The following SRPRA variants were observed in gnomAD, a reference collection of about 807,000 sequenced individuals.
SRPRA encodes signal recognition particle receptor subunit alpha.
SRPRA carries 30 observed loss-of-function variants against 61.1 expected under a neutral mutation model. The observed-to-expected ratio is 0.49, with a 90% CI of 0.37 to 0.67. The LOEUF (loss-of-function observed/expected upper bound fraction) is 0.67, where lower values mean the gene tolerates loss of function less well. SRPRA is among the 30% of genes least tolerant of loss of function. The pLI is 0.00. For synonymous variants in SRPRA, 324 were observed against 299.7 expected, an observed-to-expected ratio of 1.08 and a Z score of -0.84; for missense variants, 759 against 828.4, an observed-to-expected ratio of 0.92 and a Z score of 1.03.
the SRPRA span, among the ~76,000 whole-genome samples, chr11:126,236,442 A>C: frequency 7.9e-5 from 12 of 152,082 alleles, no homozygotes; most frequent in African/African-American, 2.4e-4. Context: ...TTTGTATTGT[A>C]TGACCTCTTT....
In SRPRA at chr11:126,267,471, T is replaced by G. The variant is rs1282422523; in HGVS notation, c.365+78A>C. The G allele has an allele frequency of 1.1e-5, 17 of 1,595,840 alleles. No individual in the cohort carries two copies. Among genetic ancestry groups the G allele is most frequent in the Non-Finnish European group, 1.4e-5 (16 of 1,169,380 alleles). ...TAGGAATGTCTTTGAACACATCAAT[T>G]TACCACCTTTGAACCACCTTCAGAG... On this transcript the variant is annotated intron_variant, in intron 3 of 13. Transcript: ENST00000332118. The surrounding 1 kb of genome is among the most constrained non-coding windows in gnomAD (Gnocchi z 4.2).
Position 126,267,354 on chromosome 11 carries a change from G to T in SRPRA, c.366-19C>A. The T allele has an allele frequency of 6.2e-7, 1 of 1,612,386 alleles. No homozygotes were observed. The highest frequency in any genetic ancestry group is 8.5e-7 in the Non-Finnish European group (1 of 1,179,464). ...TGCTTCACTAAACAAAAAGGAGAAT[G>T]GTTTATCTTTCTACCCCATGCAGAA... is the stretch of plus-strand genomic sequence containing the variant. On this transcript the variant is annotated intron_variant, in intron 3 of 13. Coordinates refer to ENST00000332118, the MANE Select transcript of SRPRA (RefSeq NM_003139.4). The surrounding 1 kb of genome is among the most constrained non-coding windows in gnomAD (Gnocchi z 4.2).
chr11:126,266,444 T>G (rs1271811983), intron 6 of SRPRA, 32 bp downstream of exon 6: 24 of 1,606,452 alleles, frequency 1.5e-5, no homozygotes, highest in Non-Finnish European at 1.6e-5. Flanking sequence ...AATTTGTTGT[T>G]AAAGATCACT....
the SRPRA span, among the ~76,000 whole-genome samples, chr11:126,241,788 G>GATC: frequency 1.3e-5 from 2 of 152,100 alleles, no homozygotes; most frequent in Non-Finnish European, 2.9e-5. Context: ...GACCTCAAGT[G>GATC]ATCTGCCCAC....
At chr11:126,252,987 A>G in the SRPRA span, among the ~76,000 whole-genome samples, 1 of 152,202 alleles carries the variant, frequency 6.6e-6, no homozygotes, top group Admixed American at 6.5e-5. The surrounding 1 kb of genome is among the most constrained non-coding windows in gnomAD (Gnocchi z 4.7). Context: ...GTGAGCCAAG[A>G]TTGCGCCACT....
the SRPRA span, among the ~76,000 whole-genome samples, chr11:126,245,983 C>T: frequency 2.0e-4 from 29 of 142,790 alleles, no homozygotes; most frequent in African/African-American, 7.1e-4. Context: ...GCAACAGGTA[C>T]GAGACTCCGT....
chr11:126,263,728 G>T lies in SRPRA; in HGVS notation c.*188C>A. On this transcript the variant is annotated 3_prime_UTR_variant, in exon 14 of 14. Coordinates refer to ENST00000332118, the MANE Select transcript of SRPRA (RefSeq NM_003139.4). The stretch of plus-strand genomic sequence containing the variant: ...GGTCAGTGGGCAGTGATTGTAACAT[G>T]ATTAGGCCTTCCTTGCAGATGGCGG... The T allele has an allele frequency of 1.2e-6, 1 of 803,068 alleles. No individual in the cohort carries two copies. Among genetic ancestry groups the T allele is most frequent in the South Asian group, 1.7e-5 (1 of 57,758 alleles). The allele number at this position is 803,068 out of a possible 1,614,324, so 49.7% of individuals were successfully genotyped here.
chr11:126,250,549 A>G, the SRPRA span: 2 of 1,614,014 alleles, frequency 1.2e-6, no homozygotes, highest in African/African-American at 2.7e-5. This position sits in a 1 kb window ranked among gnomAD's most constrained non-coding sequence, Gnocchi z 5.1. Context: ...GACTGTTTAT[A>G]TGAAGTATTT....
Position 126,267,511 on chromosome 11 carries a change from T to C in SRPRA, c.365+38A>G. The stretch of plus-strand genomic sequence containing the variant: ...CACCTTCAGAGAGGTCATCAAATCA[T>C]GGAAATAAATTGATTTTAGAGAAGG... On this transcript the variant is annotated intron_variant, in intron 3 of 13. Coordinates refer to ENST00000332118, the MANE Select transcript of SRPRA (RefSeq NM_003139.4). The surrounding 1 kb of genome is among the most constrained non-coding windows in gnomAD (Gnocchi z 4.2). 1 of 1,611,868 alleles carries C rather than the reference T, an allele frequency of 6.2e-7. No homozygotes were observed. The highest frequency in any genetic ancestry group is 8.5e-7 in the Non-Finnish European group (1 of 1,178,744).
the SRPRA span, among the ~76,000 whole-genome samples, chr11:126,244,130 A>G: frequency 0.12 from 17,599 of 152,210 alleles, 1,051 homozygotes; most frequent in South Asian, 0.14. The surrounding 1 kb of genome is among the most constrained non-coding windows in gnomAD (Gnocchi z 4.5). Context: ...AAAAACTCAC[A>G]GTTAACATAT....
At chr11:126,236,917 C>CTT in the SRPRA span, among the ~76,000 whole-genome samples, 19 of 68,384 alleles carry the variant, frequency 2.8e-4, no homozygotes, top group African/African-American at 3.8e-4. Context: ...TTCACAGATG[C>CTT]TTTTTTTTTT....
chr11:126,261,269 C>T (rs1397371153), downstream of SRPRA: 6 of 618,834 alleles, frequency 9.7e-6, no homozygotes, highest in African/African-American at 1.8e-5. Context: ...CCAGTTTATC[C>T]TCTCTGCCTC....
Position 126,267,386 on chromosome 11 carries a change from A to T in SRPRA, c.366-51T>A, listed in dbSNP as rs368790436. 7.5e-6 allele frequency: 12 copies of T among 1,603,912 alleles called. No individual in the cohort carries two copies. Among genetic ancestry groups the T allele is most frequent in the Non-Finnish European group, 1.0e-5 (12 of 1,175,602 alleles). On this transcript the variant is annotated intron_variant, in intron 3 of 13. Coordinates refer to ENST00000332118, the MANE Select transcript of SRPRA (RefSeq NM_003139.4). The surrounding 1 kb of genome is among the most constrained non-coding windows in gnomAD (Gnocchi z 4.2). ...CTTTCTACCCCATGCAGAAGGAAAA[A>T]TAACGGTCCAGAGAAAGGACTCTCA... is the stretch of plus-strand genomic sequence containing the variant.
At chr11:126,256,713 A>G in the SRPRA span, 10 of 1,613,994 alleles carry the variant, frequency 6.2e-6, no homozygotes, top group South Asian at 9.9e-5. The surrounding 1 kb of genome is among the most constrained non-coding windows in gnomAD (Gnocchi z 6.6). Flanking sequence ...TTCGGAGAGG[A>G]GACGTAGATG....
chr11:126,241,082 C>T, the SRPRA span: 2 of 1,514,876 alleles, frequency 1.3e-6, no homozygotes, highest in East Asian at 4.5e-5. Flanking sequence ...TTTGGAATTT[C>T]CTAAAATTTA....
In SRPRA at chr11:126,265,932, A is replaced by C; in HGVS notation, c.1051+31T>G. ...TGCTCTCAACTACCCCTATCCCGCG[A>C]GTATGAGTCAGCCCGGTCCTCAGAA... On this transcript the variant is annotated intron_variant, in intron 8 of 13. Transcript: ENST00000332118. The surrounding 1 kb of genome is among the most constrained non-coding windows in gnomAD (Gnocchi z 6.3). 6.2e-7 allele frequency: 1 copy of C among 1,612,188 alleles called. No individual in the cohort carries two copies. Among genetic ancestry groups the C allele is most frequent in the Non-Finnish European group, 8.5e-7 (1 of 1,178,240 alleles).
chr11:126,250,689 CA>C, the SRPRA span: 15 of 1,613,950 alleles, frequency 9.3e-6, no homozygotes, highest in Non-Finnish European at 1.2e-5. The surrounding 1 kb of genome is among the most constrained non-coding windows in gnomAD (Gnocchi z 5.1). Context: ...TGCAGCAGAT[CA>C]GGGGAAACAG....
chr11:126,262,333 T>A, downstream of SRPRA: 22 of 507,888 alleles, frequency 4.3e-5, no homozygotes, highest in East Asian at 7.1e-5. Context: ...TGCCGCCTGT[T>A]CAAGTTCAAG....
chr11:126,256,804 G>C, the SRPRA span: 1 of 1,611,376 alleles, frequency 6.2e-7, no homozygotes. The surrounding 1 kb of genome is among the most constrained non-coding windows in gnomAD (Gnocchi z 6.6). Context: ...CGATCTTCCA[G>C]AATATTTCAA....
Sources: gnomAD v4.1 joint callset for allele counts (sites outside exome capture counted in the v4.1 genomes callset) on GRCh38, gnomAD v4.1.1 for gene constraint, Gnocchi (gnomAD v3.1) non-coding constraint, MANE v1.5 for transcripts, NCBI Gene and HGNC (gene_info 2026-07-23, HGNC 2026-07-21) for gene names.